LRMDA: variants seen among roughly 807,000 people sequenced by gnomAD.
LRMDA encodes the protein leucine-rich melanocyte differentiation-associated protein.
Under a neutral mutation model 29.8 loss-of-function variants are expected in LRMDA, and 18 were observed. That is an observed-to-expected ratio of 0.60 (90% confidence interval 0.42 to 0.90). The LOEUF (loss-of-function observed/expected upper bound fraction) is 0.90, where lower values mean the gene tolerates loss of function less well. Among genes scored for constraint, LRMDA ranks in the 40% least tolerant of loss-of-function variants. LRMDA has a pLI of 0.00. For synonymous variants in LRMDA, 125 were observed against 109.4 expected, an observed-to-expected ratio of 1.14 and a Z score of -0.89; for missense variants, 273 against 273.9, an observed-to-expected ratio of 1.00 and a Z score of 0.02.
At chr10:76,140,332 T>TGAAA (rs1850175791) in intron 5 of LRMDA, among the ~76,000 whole-genome samples, 1 of 152,138 alleles carries the variant, frequency 6.6e-6, no homozygotes, top group Non-Finnish European at 1.5e-5. Context: ...AGGTGCCAGC[T>TGAAA]GAAATCTGCA....
chr10:75,845,966 A>G (rs12261071), intron 2 of LRMDA, among the ~76,000 whole-genome samples: 36,348 of 152,076 alleles, frequency 0.24, 4,533 homozygotes, highest in African/African-American at 0.28. Flanking sequence ...ACAACTTGGC[A>G]GCCTAGCACC....
chr10:76,297,850 A>G (rs1034488344), intron 5 of LRMDA, among the ~76,000 whole-genome samples: 2 of 152,232 alleles, frequency 1.3e-5, no homozygotes, highest in East Asian at 3.9e-4. Flanking sequence ...TATGGCTACA[A>G]TAGAGCTTTC....
At chr10:75,807,347 T>G (rs1196748391) in intron 2 of LRMDA, among the ~76,000 whole-genome samples, 2 of 152,200 alleles carry the variant, frequency 1.3e-5, no homozygotes, top group African/African-American at 4.8e-5. Flanking sequence ...GGCATGGGCC[T>G]GGGCAGCCTG....
intron 2 of LRMDA, among the ~76,000 whole-genome samples, chr10:75,652,144 AAAAATTCATTGCAGCCATGGGCACTCAGC>A (rs1273988641): frequency 8.9e-4 from 136 of 152,330 alleles, no homozygotes; most frequent in African/African-American, 3.2e-3. Flanking sequence ...GATAATTTTA[AAAAATTCATTGCAGCCATGGGCACTCAGC>A]CTTGTGCTAA....
At chr10:76,458,739 TCTC>T (rs1842482891) in intron 6 of LRMDA, among the ~76,000 whole-genome samples, 1 of 152,192 alleles carries the variant, frequency 6.6e-6, no homozygotes, top group South Asian at 2.1e-4. Context: ...GCCACAGAAA[TCTC>T]CTCTATGTGA....
chr10:76,339,385 A>G, intron 6 of LRMDA, among the ~76,000 whole-genome samples: 1 of 151,966 alleles, frequency 6.6e-6, no homozygotes, highest in Non-Finnish European at 1.5e-5. Flanking sequence ...TTTAAGAGTA[A>G]ATGGAAGTGA....
At chr10:75,716,526 C>T (rs1403719568) in intron 2 of LRMDA, among the ~76,000 whole-genome samples, 1 of 152,190 alleles carries the variant, frequency 6.6e-6, no homozygotes, top group African/African-American at 2.4e-5. Context: ...GCCTGCAAGA[C>T]TCTCTTCAAC....
At chr10:75,464,094 G>A (rs1000633388) in intron 2 of LRMDA, among the ~76,000 whole-genome samples, 5 of 152,216 alleles carry the variant, frequency 3.3e-5, no homozygotes, top group African/African-American at 4.8e-5. Flanking sequence ...GAGCCACTGC[G>A]CCCATCCTGT....
chr10:76,455,442 A>C (rs1335087281), intron 6 of LRMDA, among the ~76,000 whole-genome samples: 1 of 152,128 alleles, frequency 6.6e-6, no homozygotes, highest in Non-Finnish European at 1.5e-5. Context: ...CTAATCCCTG[A>C]TGGGATGAGA....
At chr10:75,638,596 T>A (rs1841415497) in intron 2 of LRMDA, among the ~76,000 whole-genome samples, 1 of 152,236 alleles carries the variant, frequency 6.6e-6, no homozygotes, top group Admixed American at 6.5e-5. Context: ...TATATTTTGC[T>A]GCACACTGTG....
Position 76,557,372 on chromosome 10 carries a change from A to G in LRMDA, c.*84A>G, listed in dbSNP as rs965961821. The stretch of plus-strand genomic sequence containing the variant: ...AAATAAAGAAAACGCTAAAGAAAAA[A>G]CAATAGCCCACATTGCCTCTCTTTG... On this transcript the variant is annotated 3_prime_UTR_variant, in exon 7 of 7. Transcript: ENST00000611255. 3.6e-6 allele frequency: 4 copies of G among 1,098,564 alleles called. No homozygotes were observed. The Admixed American group carries it at 5.9e-5, about 16-fold the overall frequency. 68.1% of individuals were successfully genotyped at this position (1,098,564 alleles called of 1,614,324 possible). A position where few individuals can be genotyped will look rare whatever the true frequency, so the allele number is the denominator to read the frequency against.
chr10:76,363,534 T>C (rs1266630181), intron 6 of LRMDA, among the ~76,000 whole-genome samples: 3 of 152,090 alleles, frequency 2.0e-5, no homozygotes, highest in African/African-American at 7.2e-5. Context: ...CAGCCACAAG[T>C]AGACCAGTTT....
At chr10:76,535,308 GT>G (rs1409844288) in intron 6 of LRMDA, among the ~76,000 whole-genome samples, 1 of 152,208 alleles carries the variant, frequency 6.6e-6, no homozygotes, top group African/African-American at 2.4e-5. Flanking sequence ...TCTTGAGGGG[GT>G]TGGAAGAAGA....
At chr10:75,793,100 A>T (rs1843596303) in intron 2 of LRMDA, among the ~76,000 whole-genome samples, 1 of 152,226 alleles carries the variant, frequency 6.6e-6, no homozygotes, top group Admixed American at 6.5e-5. Flanking sequence ...GAGCAAAGGG[A>T]TAGCATACAG....
At chr10:76,277,888 C>A (rs1468940540) in intron 5 of LRMDA, among the ~76,000 whole-genome samples, 1 of 152,124 alleles carries the variant, frequency 6.6e-6, no homozygotes, top group East Asian at 1.9e-4. Flanking sequence ...TTCTGTTAAA[C>A]CTTCATTAGG....
At chr10:75,461,529 T>G (rs1171140916) in intron 2 of LRMDA, among the ~76,000 whole-genome samples, 1 of 152,186 alleles carries the variant, frequency 6.6e-6, no homozygotes, top group Non-Finnish European at 1.5e-5. Flanking sequence ...TAGCCTGTCC[T>G]GAATCCCATC....
At chr10:76,071,130 G>T (rs1848869726) in intron 5 of LRMDA, among the ~76,000 whole-genome samples, 1 of 152,132 alleles carries the variant, frequency 6.6e-6, no homozygotes, top group African/African-American at 2.4e-5. Flanking sequence ...GGCGAATCTG[G>T]AAATGAAGGC....
intron 2 of LRMDA, among the ~76,000 whole-genome samples, chr10:75,619,539 A>G (rs888785401): frequency 5.3e-5 from 8 of 152,158 alleles, no homozygotes; most frequent in Admixed American, 1.3e-4. Context: ...CAAAGCCCCA[A>G]AGGTTCTATT....
chr10:76,166,971 G>T lies in LRMDA; in HGVS notation c.516+108188G>T, dbSNP rs930791651. 9.2e-5 allele frequency among the ~76,000 whole-genome samples: 14 copies of T among 151,776 alleles called. No individual in the cohort carries two copies. In the South Asian group the frequency reaches 2.1e-3, roughly 22 times the overall value. ...CCAGCATCTGTCTTATTTTTTGTTTGTTCGTTTGACTTTTTATAATAGATA... is the reference window on the plus strand; with the variant it reads ...CCAGCATCTGTCTTATTTTTTGTTTTTTCGTTTGACTTTTTATAATAGATA... On this transcript the variant is annotated intron_variant, in intron 5 of 6. Coordinates refer to ENST00000611255, the MANE Select transcript of LRMDA (RefSeq NM_001305581.2).
Sources: allele counts gnomAD v4.1 joint callset (sites outside exome capture counted in the v4.1 genomes callset), GRCh38; gene constraint gnomAD v4.1.1; transcripts MANE v1.5; gene names NCBI Gene and HGNC (gene_info 2026-07-23, HGNC 2026-07-21).